The following MSN variants were observed in gnomAD, a reference collection of about 807,000 sequenced individuals.
The protein encoded by MSN is epididymis luminal protein 70.
In MSN, 2 loss-of-function variants were observed where a neutral mutation model predicts 48.0. That is an observed-to-expected ratio of 0.04 (90% CI 0.02 to 0.13). MSN has a LOEUF of 0.13. Ranked by LOEUF, MSN falls within the 10% of genes least tolerant of loss-of-function variation. The pLI, the probability that MSN is intolerant of heterozygous loss-of-function variation, is 1.00. For synonymous variants in MSN, 146 were observed against 166.9 expected, an observed-to-expected ratio of 0.87 and a Z score of 0.97; for missense variants, 267 against 470.1, an observed-to-expected ratio of 0.57 and a Z score of 3.99.
At chrX:65,620,717 C>A (rs769588128) in intron 1 of MSN, among the ~76,000 whole-genome samples, 4 of 111,700 alleles carry the variant, frequency 3.6e-5, no homozygotes, top group Non-Finnish European at 7.5e-5. Context: ...TCCTATTCGG[C>A]CATCTTGGCT....
At chrX:65,598,292 A>G (rs1275268062) in intron 1 of MSN, among the ~76,000 whole-genome samples, 1 of 109,992 alleles carries the variant, frequency 9.1e-6, no homozygotes, top group Non-Finnish European at 1.9e-5. Context: ...AGAGATAAAA[A>G]TAGAGAGCAG....
chrX:65,651,492 A>C (rs1396108943), intron 1 of MSN, among the ~76,000 whole-genome samples: 1 of 108,362 alleles, frequency 9.2e-6, no homozygotes, highest in Non-Finnish European at 1.9e-5. Context: ...TCTGAGATTG[A>C]GAATATGGTG....
intron 6 of MSN, among the ~76,000 whole-genome samples, chrX:65,732,190 C>A (rs745960292): frequency 9.0e-6 from 1 of 111,655 alleles, no homozygotes; most frequent in African/African-American, 3.3e-5. Flanking sequence ...TGGTAGCCAC[C>A]AGCCACATGG....
intron 6 of MSN, among the ~76,000 whole-genome samples, chrX:65,732,327 AT>A (rs1173692189): frequency 8.9e-6 from 1 of 112,663 alleles, no homozygotes; most frequent in African/African-American, 3.2e-5. Flanking sequence ...ATTTTAAAAA[AT>A]ATTTATTTAC....
At chrX:65,703,283 C>T (rs934456568) in intron 1 of MSN, among the ~76,000 whole-genome samples, 1 of 111,091 alleles carries the variant, frequency 9.0e-6, no homozygotes, top group South Asian at 3.8e-4. Flanking sequence ...TTTTCTTCCT[C>T]CAGTGTCAAA....
In MSN at chrX:65,670,896, TTATATA is replaced by T. The variant is rs57076717; in HGVS notation, c.12+3097_12+3102del. ...CTACATTTTTTGGTGATGATGACAG[TTATATA>T]TATATATATATATATATATATATAT... On this transcript the variant is annotated intron_variant, in intron 1 of 12. Coordinates refer to ENST00000360270, the MANE Select transcript of MSN (RefSeq NM_002444.3). Among the ~76,000 whole-genome samples the T allele has an allele frequency of 5.4e-3, 76 of 13,995 alleles. 2 individuals carry two copies. The highest frequency in any genetic ancestry group is 8.7e-3 in the Admixed American group (6 of 687). The allele number at this position is 13,995 out of a possible 115,157, so 12.2% of individuals were successfully genotyped here.
At chrX:65,720,376 C>G (rs1455507638) in intron 2 of MSN, among the ~76,000 whole-genome samples, 2 of 112,192 alleles carry the variant, frequency 1.8e-5, no homozygotes, top group East Asian at 5.5e-4. Flanking sequence ...CTCTGAAGGA[C>G]TATCATAAGA....
intron 1 of MSN, among the ~76,000 whole-genome samples, chrX:65,627,606 G>A (rs747391560): frequency 3.6e-5 from 4 of 111,227 alleles, no homozygotes; most frequent in South Asian, 3.8e-4. Context: ...AGGAGTTACA[G>A]TTAAATTGAG....
chrX:65,738,338 A>G (rs1055806723), intron 10 of MSN, among the ~76,000 whole-genome samples, 187 bp from the exon 11 acceptor site: 7 of 112,006 alleles, frequency 6.2e-5, no homozygotes. Context: ...GGGAGCTCTG[A>G]CTTAAAAGGA....
At chrX:65,678,342 G>A (rs1309025926) in intron 1 of MSN, among the ~76,000 whole-genome samples, 2 of 111,254 alleles carry the variant, frequency 1.8e-5, no homozygotes, top group African/African-American at 6.5e-5. Flanking sequence ...GCTCTGGAAT[G>A]ACTGTGATTT....
At position 65,737,240 on chromosome X, in the gene MSN, G is replaced by A; in HGVS notation, c.1153G>A (p.Glu385Lys). The A allele has an allele frequency of 1.7e-6, 2 of 1,210,290 alleles. No individual in the cohort carries two copies. Among genetic ancestry groups the A allele is most frequent in the Non-Finnish European group, 2.2e-6 (2 of 894,851 alleles). ...LEQERKRAQS[E>K]AEKLAKERQE... Reference sequence around the variant, plus strand: ...GCAGGAACGGAAGCGTGCCCAGAGCGAGGCTGAAAAGCTGGCCAAGGAGCG... The same window carrying A: ...GCAGGAACGGAAGCGTGCCCAGAGCAAGGCTGAAAAGCTGGCCAAGGAGCG... Residue 385 changes from glutamate (E) to lysine (K), a missense_variant, in exon 10 of 13, where the codon GAG becomes AAG. Glu to Lys is a moderately conservative substitution (Grantham distance 56, BLOSUM62 1). Coordinates refer to ENST00000360270, the MANE Select transcript of MSN (RefSeq NM_002444.3).
chrX:65,732,893 G>A (rs2071636354), intron 6 of MSN, among the ~76,000 whole-genome samples: 1 of 111,600 alleles, frequency 9.0e-6, no homozygotes, highest in South Asian at 3.7e-4. Context: ...CACTGGCTGA[G>A]CTGTCACTGA....
chrX:65,613,921 G>C (rs1212943086), intron 1 of MSN, among the ~76,000 whole-genome samples: 3 of 111,894 alleles, frequency 2.7e-5, no homozygotes, highest in African/African-American at 9.8e-5. Flanking sequence ...ATTGCTTTTG[G>C]TGTTTTAGTC....
chrX:65,673,341 T>C (rs1027986125), intron 1 of MSN, among the ~76,000 whole-genome samples: 3 of 111,915 alleles, frequency 2.7e-5, no homozygotes, highest in African/African-American at 9.8e-5. Context: ...TCTTCTAACA[T>C]GGTGAGTGTG....
intron 1 of MSN, among the ~76,000 whole-genome samples, chrX:65,605,907 G>A (rs1253766443): frequency 9.0e-6 from 1 of 110,935 alleles, no homozygotes; most frequent in East Asian, 2.8e-4. Context: ...CCTTCACAGC[G>A]TTAAGCCTAG....
chrX:65,696,802 A>C (rs1054753488), intron 1 of MSN, among the ~76,000 whole-genome samples: 1 of 111,186 alleles, frequency 9.0e-6, no homozygotes, highest in African/African-American at 3.3e-5. Flanking sequence ...AACTCGAAAA[A>C]ACAAAGCCAG....
Position 65,733,294 on chromosome X carries a change from C to T in MSN, c.795+14C>T. On this transcript the variant is annotated intron_variant, in intron 7 of 12. Transcript: ENST00000360270. ...AAAAAAGCCCCGGTGAGTGATTCCTCCCTCTGACCAAGACAGGTACTTGCC... is the reference window on the plus strand; with the variant it reads ...AAAAAAGCCCCGGTGAGTGATTCCTTCCTCTGACCAAGACAGGTACTTGCC... 1 of 1,158,383 alleles carries T rather than the reference C, an allele frequency of 8.6e-7. No homozygotes were observed. The highest frequency in any genetic ancestry group is 1.2e-6 in the Non-Finnish European group (1 of 846,962).
Position 65,630,152 on chromosome X carries a change from C to T in MSN, c.-22+41540C>T, listed in dbSNP as rs1280334243. On this transcript the variant is annotated intron_variant, in intron 1 of 3. Transcript: ENST00000609672. ...CAAGATTGTGCCACTGCACTCCAGC[C>T]TGGGTGACAGAGCGAGCCTTTGACT... Among the ~76,000 whole-genome samples the T allele has an allele frequency of 6.4e-5, 7 of 109,159 alleles. No individual in the cohort carries two copies. The Admixed American group carries it at 6.9e-4, about 11-fold the overall frequency. 94.8% of individuals were successfully genotyped at this position (109,159 alleles called of 115,157 possible).
intron 1 of MSN, among the ~76,000 whole-genome samples, chrX:65,661,034 G>A (rs1016000691): frequency 9.0e-6 from 1 of 111,514 alleles, no homozygotes; most frequent in African/African-American, 3.3e-5. Context: ...TGTGATCTCA[G>A]CTCATTGCAA....
Sources: allele counts gnomAD v4.1 joint callset (sites outside exome capture counted in the v4.1 genomes callset), GRCh38; gene constraint gnomAD v4.1.1; transcripts MANE v1.5; gene names NCBI Gene and HGNC (gene_info 2026-07-23, HGNC 2026-07-21).